The following ASNS variants were observed in gnomAD, a reference collection of about 807,000 sequenced individuals.
ASNS encodes the protein asparagine synthetase (glutamine-hydrolyzing), also known as asparagine synthetase [glutamine-hydrolyzing].
Under a neutral mutation model 62.6 loss-of-function variants are expected in ASNS, and 37 were observed. The ratio of observed to expected loss-of-function variants is 0.59; its 90% CI spans 0.45 to 0.78. The LOEUF is 0.78. Ranked by LOEUF, ASNS falls within the 30% of genes least tolerant of loss-of-function variation. ASNS has a pLI of 0.00. For synonymous variants in ASNS, 207 were observed against 237.9 expected, an observed-to-expected ratio of 0.87 and a Z score of 1.19; for missense variants, 520 against 682.4, an observed-to-expected ratio of 0.76 and a Z score of 2.65.
Position 97,852,430 on chromosome 7 carries a change from A to G in ASNS, c.1515T>C (p.Phe505=). The G allele has an allele frequency of 1.9e-6, 3 of 1,614,196 alleles. No homozygotes were observed. Among genetic ancestry groups the G allele is most frequent in the Non-Finnish European group, 1.7e-6 (2 of 1,180,038 alleles). The part of the protein sequence containing the change: ...DAMMANAAQK[F]PFNTPKTKEG... ...CTTTGGTTTTAGGAGTATTGAAGGGAAATTTCTGGGCTGCATTTGCCATCA... is the reference window on the plus strand; with the variant it reads ...CTTTGGTTTTAGGAGTATTGAAGGGGAATTTCTGGGCTGCATTTGCCATCA... The change falls in exon 13 of 13, where the codon TTT becomes TTC. Residue 505 remains phenylalanine, a synonymous_variant. Coordinates refer to ENST00000394308, the MANE Select transcript of ASNS (RefSeq NM_001673.5).
In ASNS at chr7:97,865,423, C is replaced by T. The variant is rs115914741; in HGVS notation, c.250-927G>A. On this transcript the variant is annotated intron_variant, in intron 3 of 12. Transcript: ENST00000394308. ...GGTCCTCTGAGATTGAAGAGGCATT[C>T]GGCCAGATGACTTTTAAATGTTTCT... is the stretch of plus-strand genomic sequence containing the variant. Among the ~76,000 whole-genome samples the T allele has an allele frequency of 8.1e-3, 1,238 of 152,222 alleles. 9 individuals are homozygous for T. The highest frequency in any genetic ancestry group is 0.028 in the African/African-American group (1,169 of 41,538).
At chr7:97,925,984 G>A in the ASNS span, among the ~76,000 whole-genome samples, 1 of 152,138 alleles carries the variant, frequency 6.6e-6, no homozygotes, top group South Asian at 2.1e-4. Flanking sequence ...TGGGATGGGT[G>A]TTTATGGATA....
chr7:97,906,439 T>G, the ASNS span: 711 of 236,292 alleles, frequency 3.0e-3, 6 homozygotes, highest in African/African-American at 0.016. Context: ...TGATGCCCCC[T>G]TCAGTGGAGC....
At chr7:97,883,156 G>T in the ASNS span, among the ~76,000 whole-genome samples, 2 of 151,948 alleles carry the variant, frequency 1.3e-5, no homozygotes, top group Admixed American at 6.6e-5. Context: ...TTTCTTATTG[G>T]CATTCTGCAT....
In ASNS at chr7:97,864,333, T is replaced by A. The variant is rs797045306; in HGVS notation, c.413A>T (p.Asp138Val). 2 of 1,613,782 alleles carry A rather than the reference T, an allele frequency of 1.2e-6. No homozygotes were observed. Among genetic ancestry groups the A allele is most frequent in the South Asian group, 1.1e-5 (1 of 91,074 alleles). Residue 138 changes from aspartate to valine, a missense_variant, in exon 4 of 13, where the codon GAT becomes GTT. Coordinates refer to ENST00000394308, the MANE Select transcript of ASNS (RefSeq NM_001673.5). ...AAACAAAGGTCTGACTCCATATGTATCTCTACCCAGGAACACTTTCTTATT... is the reference window on the plus strand; with the variant it reads ...AAACAAAGGTCTGACTCCATATGTAACTCTACCCAGGAACACTTTCTTATT... The part of the protein sequence containing the change: ...TANKKVFLGR[D>V]TYGVRPLFKA...
the ASNS span, among the ~76,000 whole-genome samples, chr7:97,880,934 T>TGTGTTTTTG: frequency 5.3e-5 from 8 of 150,274 alleles, no homozygotes; most frequent in East Asian, 2.0e-4. Flanking sequence ...TGTGTGTGTG[T>TGTGTTTTTG]TTTTGTTTTG....
chr7:97,856,103 G>A (rs535430188), intron 8 of ASNS, among the ~76,000 whole-genome samples: 40 of 152,100 alleles, frequency 2.6e-4, no homozygotes, highest in Non-Finnish European at 4.4e-4. Flanking sequence ...TGATGTTTTG[G>A]AGGGCCATAA....
the ASNS span, chr7:97,908,546 A>T: frequency 2.0e-5 from 3 of 151,870 alleles, no homozygotes; most frequent in Non-Finnish European, 4.4e-5. Flanking sequence ...GATTACAGGC[A>T]CGCACCACTA....
At position 97,864,408 on chromosome 7, in the gene ASNS, G is replaced by A; in HGVS notation, c.338C>T (p.Thr113Ile). The A allele has an allele frequency of 2.5e-6, 4 of 1,613,874 alleles. No homozygotes were observed. The highest frequency in any genetic ancestry group is 3.4e-6 in the Non-Finnish European group (4 of 1,179,898). The change falls in exon 4 of 13, where the codon ACA becomes ATA. Residue 113 changes from threonine to isoleucine, a missense_variant. By Grantham distance (89) the Thr-to-Ile change is moderately conservative (BLOSUM62 -1). Coordinates refer to ENST00000394308, the MANE Select transcript of ASNS (RefSeq NM_001673.5). ...AAACACACCATCCAACATACAAATT[G>A]TTTGCTCAATTCCTCCTTTGTCATA... The part of the protein sequence containing the change: ...HLYDKGGIEQ[T>I]ICMLDGVFAF...
the ASNS span, among the ~76,000 whole-genome samples, chr7:97,894,345 G>A: frequency 6.6e-6 from 1 of 151,530 alleles, no homozygotes; most frequent in African/African-American, 2.4e-5. Context: ...CACACAATTA[G>A]TAGAAAGAAA....
At chr7:97,896,733 CACACACACATATATATATATATATAT>C in the ASNS span, among the ~76,000 whole-genome samples, 1 of 26,254 alleles carries the variant, frequency 3.8e-5, no homozygotes, top group Non-Finnish European at 9.7e-5. Context: ...CACACACACA[CACACACACATATATATATATATATAT>C]ATATATATAT....
At chr7:97,910,687 C>G in the ASNS span, among the ~76,000 whole-genome samples, 3 of 151,934 alleles carry the variant, frequency 2.0e-5, no homozygotes, top group African/African-American at 7.3e-5. Flanking sequence ...CTGCAACTTC[C>G]GCCTCCCGGG....
the ASNS span, among the ~76,000 whole-genome samples, chr7:97,916,765 C>T: frequency 6.6e-6 from 1 of 152,200 alleles, no homozygotes; most frequent in African/African-American, 2.4e-5. Flanking sequence ...GCAGAAGGAT[C>T]TGGGGAAAGC....
intron 3 of ASNS, among the ~76,000 whole-genome samples, chr7:97,864,933 G>C (rs1159399575): frequency 1.3e-5 from 2 of 152,158 alleles, no homozygotes; most frequent in Non-Finnish European, 2.9e-5. Context: ...TGAGACCCAA[G>C]TCTAAACATG....
At chr7:97,867,604 C>T (rs1170628862) in intron 3 of ASNS, among the ~76,000 whole-genome samples, 2 of 152,110 alleles carry the variant, frequency 1.3e-5, no homozygotes, top group Admixed American at 1.3e-4. Context: ...TACCACCTAG[C>T]GTTCTCATGT....
chr7:97,870,935 C>A (rs1295204641), intron 1 of ASNS, among the ~76,000 whole-genome samples: 1 of 152,072 alleles, frequency 6.6e-6, no homozygotes, highest in African/African-American at 2.4e-5. Context: ...AAAACTATAA[C>A]CTATTATTTT....
At chr7:97,896,630 GTATATATATATATA>G in the ASNS span, among the ~76,000 whole-genome samples, 7 of 113,932 alleles carry the variant, frequency 6.1e-5, no homozygotes, top group African/African-American at 1.9e-4. Context: ...ATATATATAT[GTATATATATATATA>G]TGTGTATATA....
At chr7:97,902,625 G>T in the ASNS span, among the ~76,000 whole-genome samples, 1 of 152,164 alleles carries the variant, frequency 6.6e-6, no homozygotes, top group Non-Finnish European at 1.5e-5. Flanking sequence ...GAGGGCTGAG[G>T]TGGGAGGACT....
At chr7:97,890,695 T>C in the ASNS span, among the ~76,000 whole-genome samples, 30 of 152,236 alleles carry the variant, frequency 2.0e-4, 1 homozygote, top group East Asian at 5.6e-3. Context: ...TGCAGTGAGC[T>C]ATGATCATGC....
Sources: gnomAD v4.1 joint callset for allele counts (sites outside exome capture counted in the v4.1 genomes callset) on GRCh38, gnomAD v4.1.1 for gene constraint, MANE v1.5 for transcripts, NCBI Gene and HGNC (gene_info 2026-07-23, HGNC 2026-07-21) for gene names.